Variants in SH3RF3 observed in about 807,000 individuals in gnomAD.
SH3RF3 encodes SH3 domain containing ring finger 3.
SH3RF3 carries 29 observed loss-of-function variants against 66.3 expected under a neutral mutation model. That is an observed-to-expected ratio of 0.44 (90% CI 0.33 to 0.60). The LOEUF (loss-of-function observed/expected upper bound fraction) is 0.60. Among genes scored for constraint, SH3RF3 ranks in the 20% least tolerant of loss-of-function variants. The pLI is 0.04. For synonymous variants in SH3RF3, 583 were observed against 532.0 expected, an observed-to-expected ratio of 1.10 and a Z score of -1.32; for missense variants, 1,194 against 1,190.9, an observed-to-expected ratio of 1.00 and a Z score of -0.04.
chr2:109,466,328 G>A (rs976022391), intron 8 of SH3RF3, among the ~76,000 whole-genome samples: 3 of 152,030 alleles, frequency 2.0e-5, no homozygotes, highest in Non-Finnish European at 2.9e-5. Flanking sequence ...TGACCTGCCC[G>A]CCTCGGCCTC....
At chr2:109,449,101 G>GAT in intron 7 of SH3RF3, 69 bp from the exon 8 acceptor site, 3 of 1,514,426 alleles carry the variant, frequency 2.0e-6, no homozygotes, top group Admixed American at 1.9e-5. Flanking sequence ...GTGCATTGCA[G>GAT]CTGCCTGGCA....
At chr2:109,332,998 C>T (rs779807366) in intron 1 of SH3RF3, among the ~76,000 whole-genome samples, 1 of 152,232 alleles carries the variant, frequency 6.6e-6, no homozygotes, top group African/African-American at 2.4e-5. Context: ...GCCTAGCCTG[C>T]TGGGTCATGT....
chr2:109,137,576 A>G (rs1464694455), intron 1 of SH3RF3, among the ~76,000 whole-genome samples: 1 of 152,210 alleles, frequency 6.6e-6, no homozygotes, highest in African/African-American at 2.4e-5. Context: ...ACCTTAGGTG[A>G]GAATTATTTG....
At chr2:109,167,048 G>T (rs1247584982) in intron 1 of SH3RF3, among the ~76,000 whole-genome samples, 6 of 152,186 alleles carry the variant, frequency 3.9e-5, no homozygotes, top group African/African-American at 1.4e-4. Flanking sequence ...TGTCCCGTGG[G>T]AATACCATGG....
intron 1 of SH3RF3, among the ~76,000 whole-genome samples, chr2:109,174,481 C>CA (rs1264023461): frequency 3.3e-5 from 5 of 152,196 alleles, no homozygotes; most frequent in African/African-American, 1.2e-4. Flanking sequence ...AGGCCACACT[C>CA]ACTTGGCTGC....
In SH3RF3 at chr2:109,214,168, G is replaced by A. The variant is rs1037385156; in HGVS notation, c.573+84055G>A. On this transcript the variant is annotated intron_variant, in intron 1 of 9. Transcript: ENST00000309415. ...TAGGTAGGGGCCTCAGCAGGCTGTT[G>A]GAGGTGAGGCTAAGACGCAGACTGG... Among the ~76,000 whole-genome samples, 5 of 152,202 alleles carry A rather than the reference G, an allele frequency of 3.3e-5. No individual in the cohort carries two copies. In the South Asian group the frequency reaches 6.2e-4, roughly 19 times the overall value.
At chr2:109,161,285 C>T (rs1452089960) in intron 1 of SH3RF3, among the ~76,000 whole-genome samples, 1 of 152,140 alleles carries the variant, frequency 6.6e-6, no homozygotes, top group Non-Finnish European at 1.5e-5. Flanking sequence ...CAGGGTGCTA[C>T]AGAGTTAGGA....
intron 8 of SH3RF3, among the ~76,000 whole-genome samples, chr2:109,451,137 C>T (rs1255264048): frequency 6.6e-6 from 1 of 152,256 alleles, no homozygotes; most frequent in Non-Finnish European, 1.5e-5. Flanking sequence ...CCCGTGCTGA[C>T]TGGTGTGGCA....
chr2:109,406,071 G>C (rs1676445807), intron 4 of SH3RF3, among the ~76,000 whole-genome samples: 1 of 152,236 alleles, frequency 6.6e-6, no homozygotes, highest in Non-Finnish European at 1.5e-5. Context: ...AGGGCGTGCA[G>C]CCGGCTGAGC....
rs779988605 is a variant in SH3RF3, at chr2:109,432,580, G to A, written c.1483G>A (p.Glu495Lys). The A allele has an allele frequency of 3.1e-6, 5 of 1,613,572 alleles. No homozygotes were observed. Among genetic ancestry groups the A allele is most frequent in the Non-Finnish European group, 3.4e-6 (4 of 1,179,748 alleles). The stretch of plus-strand genomic sequence containing the variant: ...CAAGGGAGAGATGTACCGGGTCCTC[G>A]AGAAGTGTCAGGATGGCTGGTTCAA... The part of the protein sequence containing the change: ...LHKGEMYRVL[E>K]KCQDGWFKGA... The change falls in exon 6 of 10, where the codon GAG becomes AAG. Residue 495 changes from glutamate (E) to lysine (K), a missense_variant. Transcript: ENST00000309415.
chr2:109,252,090 T>TA (rs1680107034), intron 1 of SH3RF3, among the ~76,000 whole-genome samples: 1 of 62,342 alleles, frequency 1.6e-5, no homozygotes, highest in African/African-American at 1.1e-4. Flanking sequence ...CTACAAAAAA[T>TA]ACAAATAGCT....
At position 109,216,437 on chromosome 2, in the gene SH3RF3, C is replaced by T. The variant is rs149536882; in HGVS notation, c.573+86324C>T. Among the ~76,000 whole-genome samples, 8 of 152,316 alleles carry T rather than the reference C, an allele frequency of 5.3e-5. 2 individuals are homozygous for T. Among genetic ancestry groups the T allele is most frequent in the African/African-American group, 1.9e-4 (8 of 41,576 alleles). On this transcript the variant is annotated intron_variant, in intron 1 of 9. Coordinates refer to ENST00000309415, the MANE Select transcript of SH3RF3 (RefSeq NM_001099289.3). ...ACTTTGCAGAGGAGGAACCTGAGTCCAGGGGAGTTGGTCACTTGAGGGCGG... is the reference window on the plus strand; with the variant it reads ...ACTTTGCAGAGGAGGAACCTGAGTCTAGGGGAGTTGGTCACTTGAGGGCGG...
intron 1 of SH3RF3, among the ~76,000 whole-genome samples, chr2:109,254,875 G>A (rs1305964633): frequency 1.3e-5 from 2 of 152,166 alleles, no homozygotes; most frequent in Non-Finnish European, 1.5e-5. Context: ...GAATTCTCAC[G>A]GGTGGGCTCA....
chr2:109,265,258 A>AG (rs2105302178), intron 1 of SH3RF3, among the ~76,000 whole-genome samples: 1 of 152,328 alleles, frequency 6.6e-6, no homozygotes, highest in African/African-American at 2.4e-5. Context: ...GGACAAGGCC[A>AG]GGGGAGCTCT....
At chr2:109,358,126 A>G (rs565159109) in intron 2 of SH3RF3, among the ~76,000 whole-genome samples, 111 of 152,326 alleles carry the variant, frequency 7.3e-4, no homozygotes, top group African/African-American at 2.5e-3. Flanking sequence ...CCAGAACGTC[A>G]TACGGTTGAA....
At chr2:109,239,307 T>G (rs1679723742) in intron 1 of SH3RF3, among the ~76,000 whole-genome samples, 1 of 152,142 alleles carries the variant, frequency 6.6e-6, no homozygotes, top group Non-Finnish European at 1.5e-5. Context: ...CTTTTATCCC[T>G]TCCTAGGGGG....
intron 3 of SH3RF3, among the ~76,000 whole-genome samples, chr2:109,379,088 G>A (rs1244946389): frequency 6.6e-6 from 1 of 152,184 alleles, no homozygotes; most frequent in Non-Finnish European, 1.5e-5. Context: ...TATGGGCTCC[G>A]CCGCTCTTGG....
At chr2:109,435,694 G>GT (rs1362589837) in intron 6 of SH3RF3, among the ~76,000 whole-genome samples, 1 of 152,266 alleles carries the variant, frequency 6.6e-6, no homozygotes, top group African/African-American at 2.4e-5. Context: ...ATGTGTGTCT[G>GT]TATCTGTTGT....
chr2:109,146,165 G>T (rs986055805), intron 1 of SH3RF3, among the ~76,000 whole-genome samples: 1 of 152,164 alleles, frequency 6.6e-6, no homozygotes, highest in South Asian at 2.1e-4. Flanking sequence ...ATTAGAATAC[G>T]TATTAGAATG....
Sources: allele counts gnomAD v4.1 joint callset (sites outside exome capture counted in the v4.1 genomes callset), GRCh38; gene constraint gnomAD v4.1.1; transcripts MANE v1.5; gene names NCBI Gene and HGNC (gene_info 2026-07-23, HGNC 2026-07-21).